Variants in KIFAP3 observed in about 807,000 individuals in gnomAD.
KIFAP3 encodes the protein kinesin associated protein 3.
Under a neutral mutation model 106.5 loss-of-function variants are expected in KIFAP3, and 68 were observed. That is an observed-to-expected ratio of 0.64 (90% CI 0.53 to 0.78). The LOEUF (loss-of-function observed/expected upper bound fraction) is 0.78. Ranked by LOEUF, KIFAP3 falls within the 30% of genes least tolerant of loss-of-function variation. The probability of loss-of-function intolerance (pLI) is 0.00; values close to 1 mark genes in which losing one functional copy is unlikely to be tolerated. For synonymous variants in KIFAP3, 320 were observed against 311.5 expected, an observed-to-expected ratio of 1.03 and a Z score of -0.29; for missense variants, 780 against 941.8, an observed-to-expected ratio of 0.83 and a Z score of 2.25.
At chr1:170,069,478 C>T (rs1282709169) in intron 1 of KIFAP3, among the ~76,000 whole-genome samples, 2 of 151,920 alleles carry the variant, frequency 1.3e-5, no homozygotes, top group East Asian at 1.9e-4. Flanking sequence ...AAACAGAATA[C>T]AGGAGTATAT....
At chr1:169,950,483 C>A (rs1664672435) in intron 19 of KIFAP3, among the ~76,000 whole-genome samples, 1 of 152,048 alleles carries the variant, frequency 6.6e-6, no homozygotes, top group Admixed American at 6.6e-5. Context: ...ATCATCTGGA[C>A]CATTTCCCTG....
chr1:169,984,529 C>A (rs1666688269), intron 12 of KIFAP3, 53 bp downstream of exon 12: 1 of 753,642 alleles, frequency 1.3e-6, no homozygotes, highest in Non-Finnish European at 2.3e-6. Context: ...TATTTTCCAT[C>A]ATATACCAAA....
At chr1:169,948,908 G>T (rs1043565763) in intron 19 of KIFAP3, among the ~76,000 whole-genome samples, 8 of 151,910 alleles carry the variant, frequency 5.3e-5, no homozygotes, top group African/African-American at 1.7e-4. Flanking sequence ...ATGTAATTTT[G>T]AGGTTGCTTT....
At chr1:169,996,488 C>CT (rs1667378684) in intron 10 of KIFAP3, among the ~76,000 whole-genome samples, 1 of 152,118 alleles carries the variant, frequency 6.6e-6, no homozygotes, top group East Asian at 1.9e-4. Flanking sequence ...TAGTTTTTCT[C>CT]ATTTAGACCT....
At position 170,055,403 on chromosome 1, in the gene KIFAP3, T is replaced by C. The variant is rs1571742978; in HGVS notation, c.66A>G (p.Pro22=). 2 of 1,607,232 alleles carry C rather than the reference T, an allele frequency of 1.2e-6. No individual in the cohort carries two copies. Among genetic ancestry groups the C allele is most frequent in the African/African-American group, 1.3e-5 (1 of 74,802 alleles). Residue 22 remains proline (P), a synonymous_variant, in exon 2 of 20, where the codon CCA becomes CCG. Coordinates refer to ENST00000361580, the MANE Select transcript of KIFAP3 (RefSeq NM_014970.4). ...AGTGAACAATGAGTGCTTTTTCTGA[T>C]GGATGTACATCTATATTCCCTCCTT... is the stretch of plus-strand genomic sequence containing the variant. The part of the protein sequence containing the change: ...KVKGGNIDVH[P]SEKALIVHYE...
intron 10 of KIFAP3, among the ~76,000 whole-genome samples, chr1:170,005,182 G>A (rs1272267479): frequency 2.6e-5 from 4 of 151,634 alleles, no homozygotes; most frequent in Non-Finnish European, 5.9e-5. Flanking sequence ...CAGTTAGAAT[G>A]GCGATCATTA....
At chr1:169,976,263 A>T (rs1377540714) in intron 16 of KIFAP3, among the ~76,000 whole-genome samples, 2 of 152,298 alleles carry the variant, frequency 1.3e-5, no homozygotes, top group East Asian at 1.9e-4. Context: ...TGTTTTCTGT[A>T]GTGGCTTCTA....
At chr1:169,945,262 G>C (rs1360311565) in intron 19 of KIFAP3, among the ~76,000 whole-genome samples, 1 of 152,228 alleles carries the variant, frequency 6.6e-6, no homozygotes, top group Non-Finnish European at 1.5e-5. Flanking sequence ...ACCGGCAACA[G>C]GGAGAGGCCA....
intron 9 of KIFAP3, among the ~76,000 whole-genome samples, chr1:170,017,255 C>CAAAAAAAAAAAAAAAAA (rs11417586): frequency 1.4e-5 from 1 of 70,136 alleles, no homozygotes; most frequent in African/African-American, 6.1e-5. Flanking sequence ...GAGACTGTCT[C>CAAAAAAAAAAAAAAAAA]AAAAAAAAAA....
intron 11 of KIFAP3, among the ~76,000 whole-genome samples, chr1:169,985,169 T>C (rs1400926722): frequency 3.3e-5 from 5 of 151,854 alleles, no homozygotes; most frequent in Non-Finnish European, 7.4e-5. Context: ...GATTTTGGCC[T>C]TCGTGCTAAG....
chr1:170,008,837 C>T (rs1668101511), intron 10 of KIFAP3, among the ~76,000 whole-genome samples: 1 of 152,112 alleles, frequency 6.6e-6, no homozygotes, highest in Non-Finnish European at 1.5e-5. Flanking sequence ...ACTGCAGCAC[C>T]ATTCACAATA....
intron 10 of KIFAP3, among the ~76,000 whole-genome samples, chr1:169,994,427 T>A (rs915583788): frequency 1.3e-5 from 2 of 152,228 alleles, no homozygotes; most frequent in Non-Finnish European, 2.9e-5. Flanking sequence ...CACTGATATA[T>A]GAGGGAATTA....
At chr1:170,076,004 T>G (rs1374366368), upstream of KIFAP3, among the ~76,000 whole-genome samples, 1 of 152,202 alleles carries the variant, frequency 6.6e-6, no homozygotes, top group Non-Finnish European at 1.5e-5. Flanking sequence ...TATAGCAGGC[T>G]AGATTACTTT....
intron 1 of KIFAP3, among the ~76,000 whole-genome samples, chr1:170,056,101 C>G (rs1670840136): frequency 6.6e-6 from 1 of 151,312 alleles, no homozygotes; most frequent in African/African-American, 2.4e-5. Flanking sequence ...GAACGAAACT[C>G]TGTCTCCATT....
intron 17 of KIFAP3, among the ~76,000 whole-genome samples, chr1:169,971,961 C>T (rs1438940733): frequency 6.6e-6 from 1 of 151,998 alleles, no homozygotes; most frequent in Non-Finnish European, 1.5e-5. Context: ...GCATGGTTCA[C>T]AGTTTCTAAC....
chr1:170,057,100 T>G (rs1283847834), intron 1 of KIFAP3, among the ~76,000 whole-genome samples: 1 of 152,150 alleles, frequency 6.6e-6, no homozygotes, highest in African/African-American at 2.4e-5. Flanking sequence ...AACTAGTTAC[T>G]TCCTTCCTGA....
At chr1:169,982,276 T>G (rs1666563923) in intron 14 of KIFAP3, among the ~76,000 whole-genome samples, 179 bp from the exon 15 acceptor site, 1 of 152,082 alleles carries the variant, frequency 6.6e-6, no homozygotes, top group East Asian at 1.9e-4. Context: ...GATGACAGTT[T>G]GTGATAGTGG....
intron 10 of KIFAP3, among the ~76,000 whole-genome samples, chr1:169,995,054 GTTC>G (rs2101942330): frequency 6.6e-6 from 1 of 152,164 alleles, no homozygotes; most frequent in South Asian, 2.1e-4. Flanking sequence ...ACAAATAAAT[GTTC>G]TTAACCCCAA....
At chr1:170,034,517 T>C in intron 6 of KIFAP3, 21 bp from the exon 7 acceptor site, 1 of 1,302,414 alleles carries the variant, frequency 7.7e-7, no homozygotes, top group Non-Finnish European at 1.1e-6. Flanking sequence ...GACATTTTAA[T>C]ATATATTTAA....
Sources: gnomAD v4.1 joint callset for allele counts (sites outside exome capture counted in the v4.1 genomes callset) on GRCh38, gnomAD v4.1.1 for gene constraint, MANE v1.5 for transcripts, NCBI Gene and HGNC (gene_info 2026-07-23, HGNC 2026-07-21) for gene names.